The following TSHZ2 variants were observed in gnomAD, a reference collection of about 807,000 sequenced individuals.
The protein encoded by TSHZ2 is teashirt zinc finger homeobox 2.
Under a neutral mutation model 74.4 loss-of-function variants are expected in TSHZ2, and 21 were observed. That is an observed-to-expected ratio of 0.28 (90% CI 0.20 to 0.41). The LOEUF is 0.41. Ranked by LOEUF, TSHZ2 falls within the 10% of genes least tolerant of loss-of-function variation. TSHZ2 has a pLI of 1.00. For missense variants in TSHZ2, 1,244 were observed against 1,293.5 expected, an observed-to-expected ratio of 0.96 and a Z score of 0.59; for synonymous variants, 540 against 515.3, an observed-to-expected ratio of 1.05 and a Z score of -0.65.
intron 1 of TSHZ2, among the ~76,000 whole-genome samples, chr20:52,987,732 C>T (rs1981827298): frequency 6.6e-6 from 1 of 152,022 alleles, no homozygotes; most frequent in South Asian, 2.1e-4. Context: ...GAAACAGAGC[C>T]CAGAAAAGTC....
intron 1 of TSHZ2, among the ~76,000 whole-genome samples, chr20:52,988,514 G>T (rs143719078): frequency 3.3e-5 from 5 of 151,330 alleles, no homozygotes; most frequent in African/African-American, 1.2e-4. Context: ...CCACAATATA[G>T]TATAGATACA....
At chr20:53,188,977 A>G (rs1988667974) in intron 1 of TSHZ2, among the ~76,000 whole-genome samples, 1 of 152,212 alleles carries the variant, frequency 6.6e-6, no homozygotes, top group African/African-American at 2.4e-5. Context: ...GAGGTTGGAG[A>G]GAGCTAACAT....
At chr20:53,411,282 T>C (rs1049542759) in intron 2 of TSHZ2, among the ~76,000 whole-genome samples, 2 of 152,118 alleles carry the variant, frequency 1.3e-5, no homozygotes, top group Non-Finnish European at 2.9e-5. Flanking sequence ...TCTCAACTCA[T>C]CCCAGACTTG....
intron 2 of TSHZ2, among the ~76,000 whole-genome samples, chr20:53,469,919 A>AAGGC (rs542838293): frequency 2.3e-4 from 23 of 101,324 alleles, no homozygotes; most frequent in South Asian, 6.0e-4. Flanking sequence ...GGAAGGAAGG[A>AAGGC]AGGCAGGCAG....
intron 1 of TSHZ2, among the ~76,000 whole-genome samples, chr20:53,202,690 T>C (rs1029550346): frequency 6.6e-6 from 1 of 152,208 alleles, no homozygotes; most frequent in African/African-American, 2.4e-5. Flanking sequence ...TCTAAATCTT[T>C]GCTCTTGAAT....
chr20:53,062,301 A>G (rs183095677), intron 1 of TSHZ2, among the ~76,000 whole-genome samples: 12 of 152,352 alleles, frequency 7.9e-5, no homozygotes, highest in Non-Finnish European at 1.3e-4. Context: ...GTATAAATAT[A>G]AGAGATATTA....
At position 53,437,637 on chromosome 20, in the gene TSHZ2, G is replaced by A. The variant is rs566273380; in HGVS notation, c.*9-49507G>A. ...ACTGGAAATCTGGCCTTCTCCACCC[G>A]ACATGGTTTGGATCTTTGTCCCCTC... On this transcript the variant is annotated intron_variant, in intron 2 of 2. Coordinates refer to ENST00000371497, the MANE Select transcript of TSHZ2 (RefSeq NM_173485.6). Among the ~76,000 whole-genome samples the A allele has an allele frequency of 9.9e-5, 15 of 152,256 alleles. No individual in the cohort carries two copies. The South Asian group carries it at 1.0e-3, about 11-fold the overall frequency.
intron 1 of TSHZ2, among the ~76,000 whole-genome samples, chr20:53,007,933 C>T (rs1018691041): frequency 2.0e-5 from 3 of 152,138 alleles, no homozygotes; most frequent in Non-Finnish European, 4.4e-5. Flanking sequence ...ATTCATAATA[C>T]TAATTTATAT....
chr20:53,071,147 T>TC (rs890344265), intron 1 of TSHZ2, among the ~76,000 whole-genome samples: 2 of 151,960 alleles, frequency 1.3e-5, no homozygotes, highest in African/African-American at 4.8e-5. Flanking sequence ...TTAAAAAATA[T>TC]CCCCCCCATT....
At chr20:52,989,928 A>G (rs1407222784) in intron 1 of TSHZ2, among the ~76,000 whole-genome samples, 1 of 151,446 alleles carries the variant, frequency 6.6e-6, no homozygotes, top group Non-Finnish European at 1.5e-5. Context: ...AGAAAAAGAG[A>G]GATGATAGGT....
At chr20:53,400,655 C>A (rs896246721) in intron 2 of TSHZ2, among the ~76,000 whole-genome samples, 2 of 152,190 alleles carry the variant, frequency 1.3e-5, no homozygotes, top group Non-Finnish European at 2.9e-5. Flanking sequence ...ACTGCCTCAC[C>A]TTCAATGGCT....
intron 1 of TSHZ2, among the ~76,000 whole-genome samples, chr20:53,248,514 T>C (rs1420112685): frequency 6.6e-6 from 1 of 152,220 alleles, no homozygotes; most frequent in Non-Finnish European, 1.5e-5. Context: ...TTCTCCTTTT[T>C]TAAATGAAGA....
In TSHZ2 at chr20:53,327,241, C is replaced by A. The variant is rs531871679; in HGVS notation, c.*8+70670C>A. Among the ~76,000 whole-genome samples the A allele has an allele frequency of 5.3e-5, 8 of 152,308 alleles. No individual in the cohort carries two copies. The South Asian group carries it at 1.7e-3, about 32-fold the overall frequency. On this transcript the variant is annotated intron_variant, in intron 2 of 2. Coordinates refer to ENST00000371497, the MANE Select transcript of TSHZ2 (RefSeq NM_173485.6). ...AGTTGTTCCTTCAATCAAGGAAGAT[C>A]CCCTCGTCATCTGGACACTAGCTGT... is the stretch of plus-strand genomic sequence containing the variant.
intron 1 of TSHZ2, among the ~76,000 whole-genome samples, chr20:53,191,686 C>T (rs921308506): frequency 3.9e-5 from 6 of 152,204 alleles, no homozygotes; most frequent in Admixed American, 6.5e-5. Context: ...TTAAACTACA[C>T]ATCTTCACTT....
At chr20:53,001,226 G>GTATGTGTGTGTGTGTGTGTGTA (rs1555813608) in intron 1 of TSHZ2, among the ~76,000 whole-genome samples, 8 of 146,718 alleles carry the variant, frequency 5.5e-5, no homozygotes, top group African/African-American at 2.0e-4. Context: ...GTGTGTGTGT[G>GTATGTGTGTGTGTGTGTGTGTA]TGTGTGTGTG....
At chr20:53,448,783 G>A (rs192929354) in intron 2 of TSHZ2, among the ~76,000 whole-genome samples, 2 of 152,132 alleles carry the variant, frequency 1.3e-5, no homozygotes, top group Non-Finnish European at 2.9e-5. Flanking sequence ...GTGTGATTTG[G>A]GGCATATAAT....
At chr20:53,315,790 A>G (rs1443902361) in intron 2 of TSHZ2, among the ~76,000 whole-genome samples, 1 of 152,236 alleles carries the variant, frequency 6.6e-6, no homozygotes, top group Non-Finnish European at 1.5e-5. Context: ...CTAATCCATT[A>G]TAATTGCAAC....
chr20:53,255,446 A>G lies in TSHZ2; in HGVS notation c.1988A>G (p.Glu663Gly). The change falls in exon 2 of 3, where the codon GAG becomes GGG. Residue 663 changes from glutamate to glycine, a missense_variant. Glu to Gly is a moderately conservative substitution (Grantham distance 98, BLOSUM62 -2). Coordinates refer to ENST00000371497, the MANE Select transcript of TSHZ2 (RefSeq NM_173485.6). The surrounding 1 kb of genome is among the most constrained non-coding windows in gnomAD (Gnocchi z 4.1). ...EEEKLMKEGS[E>G]KEKPQPLEPT... ...GAGAAGCTGATGAAAGAGGGCAGCG[A>G]GAAGGAGAAACCCCAGCCCCTGGAG... 6.2e-7 allele frequency: 1 copy of G among 1,611,514 alleles called. No homozygotes were observed. Among genetic ancestry groups the G allele is most frequent in the Non-Finnish European group, 8.5e-7 (1 of 1,179,956 alleles).
At chr20:53,051,916 G>A (rs1397714390) in intron 1 of TSHZ2, among the ~76,000 whole-genome samples, 1 of 152,210 alleles carries the variant, frequency 6.6e-6, no homozygotes, top group Non-Finnish European at 1.5e-5. Context: ...CGAGGCAGCT[G>A]TTGCTTCACA....
Sources: gnomAD v4.1 joint callset for allele counts (sites outside exome capture counted in the v4.1 genomes callset) on GRCh38, gnomAD v4.1.1 for gene constraint, Gnocchi (gnomAD v3.1) non-coding constraint, MANE v1.5 for transcripts, NCBI Gene and HGNC (gene_info 2026-07-23, HGNC 2026-07-21) for gene names.